XRN1: variants seen among roughly 807,000 people sequenced by gnomAD.
XRN1 encodes strand-exchange protein 1 homolog.
XRN1 carries 67 observed loss-of-function variants against 222.3 expected under a neutral mutation model. That is an observed-to-expected ratio of 0.30 (90% CI 0.25 to 0.37). XRN1 has a LOEUF of 0.37. Ranked by LOEUF, XRN1 falls within the 10% of genes least tolerant of loss-of-function variation. The pLI, the probability that XRN1 is intolerant of heterozygous loss-of-function variation, is 1.00. For missense variants in XRN1, 1,707 were observed against 2,000.2 expected, an observed-to-expected ratio of 0.85 and a Z score of 2.80; for synonymous variants, 643 against 652.4, an observed-to-expected ratio of 0.99 and a Z score of 0.22.
chr3:142,425,954 C>T, intron 3 of XRN1, among the ~76,000 whole-genome samples: 1 of 151,370 alleles, frequency 6.6e-6, no homozygotes, highest in East Asian at 1.9e-4. Context: ...AATAATATTA[C>T]TACTGAAATT....
intron 30 of XRN1, among the ~76,000 whole-genome samples, chr3:142,357,752 C>T (rs888246222): frequency 4.0e-5 from 6 of 150,124 alleles, no homozygotes; most frequent in Non-Finnish European, 7.4e-5. Context: ...AACTGTGGAG[C>T]GGGCATGGTG....
chr3:142,353,028 TTGTC>T (rs1483233580), intron 32 of XRN1, among the ~76,000 whole-genome samples: 1 of 152,204 alleles, frequency 6.6e-6, no homozygotes, highest in Non-Finnish European at 1.5e-5. Flanking sequence ...CTTCCTTTCT[TTGTC>T]TGAGTCTCTA....
intron 20 of XRN1, among the ~76,000 whole-genome samples, chr3:142,391,232 A>G (rs890165747): frequency 6.6e-6 from 1 of 152,226 alleles, no homozygotes; most frequent in South Asian, 2.1e-4. Flanking sequence ...TTGTAAAAAA[A>G]AATGCAACTA....
At chr3:142,363,227 A>G (rs1195835470) in intron 29 of XRN1, among the ~76,000 whole-genome samples, 1 of 152,010 alleles carries the variant, frequency 6.6e-6, no homozygotes, top group Non-Finnish European at 1.5e-5. Context: ...GATGTAAGGT[A>G]AGGAGTTGTG....
chr3:142,319,952 ACATT>A (rs901953645), intron 37 of XRN1, among the ~76,000 whole-genome samples: 5 of 152,106 alleles, frequency 3.3e-5, no homozygotes, highest in African/African-American at 1.2e-4. Flanking sequence ...ATACCCACAC[ACATT>A]TTCTTTATCC....
intron 21 of XRN1, 143 bp from the exon 22 acceptor site, chr3:142,383,556 T>C (rs1372444061): frequency 2.9e-6 from 2 of 688,380 alleles, no homozygotes; most frequent in Non-Finnish European, 4.9e-6. Context: ...TAAAATTTGT[T>C]GACTGGTTAT....
rs758133722 is a variant in XRN1 at position 142,365,126 on chromosome 3, A to G, written c.3315T>C (p.Leu1105=). 1.9e-6 allele frequency: 3 copies of G among 1,613,532 alleles called. No homozygotes were observed. Among genetic ancestry groups the G allele is most frequent in the Admixed American group, 1.7e-5 (1 of 59,988 alleles). The part of the protein sequence containing the change: ...VIPDRDAEFC[L]FDRVVNVREN... ...CTCTCACATTTACAACACGGTCAAA[A>G]AGACAAAATTCTGCATCCCGATCAG... The change falls in exon 29 of 41, where the codon CTT becomes CTC. Residue 1105 remains leucine (L), a synonymous_variant. Coordinates refer to ENST00000392981, the MANE Select transcript of XRN1 (RefSeq NM_001282857.2).
chr3:142,423,474 A>G lies in XRN1; in HGVS notation c.710+86T>C, dbSNP rs1230315224. The G allele has an allele frequency of 6.4e-6, 7 of 1,097,798 alleles. No homozygotes were observed. In the African/African-American group the frequency reaches 6.5e-5, roughly 10 times the overall value. 68.0% of individuals were successfully genotyped at this position (1,097,798 alleles called of 1,614,324 possible). Reference sequence around the variant, plus strand: ...GTGAAAAGGCAACCTACGGAATGAGATAAAGTATTTACAAACATGTATCTG... The same window carrying G: ...GTGAAAAGGCAACCTACGGAATGAGGTAAAGTATTTACAAACATGTATCTG... On this transcript the variant is annotated intron_variant, in intron 6 of 40. Coordinates refer to ENST00000392981, the MANE Select transcript of XRN1 (RefSeq NM_001282857.2).
rs551029940 is a variant in XRN1, at chr3:142,412,872, T to C, written c.1594-209A>G. On this transcript the variant is annotated intron_variant, in intron 14 of 40. Transcript: ENST00000392981. ...TGATTTCACTACTACTCATCATTTA[T>C]ACATTTTACTGACTTAGTTATGCAG... is the stretch of plus-strand genomic sequence containing the variant. 2.6e-5 allele frequency among the ~76,000 whole-genome samples: 4 copies of C among 152,330 alleles called. No homozygotes were observed. In the South Asian group the frequency reaches 8.3e-4, roughly 32 times the overall value.
chr3:142,400,532 C>T lies in XRN1; in HGVS notation c.2119G>A (p.Ala707Thr). 6.2e-7 allele frequency: 1 copy of T among 1,610,902 alleles called. No individual in the cohort carries two copies. Among genetic ancestry groups the T allele is most frequent in the Non-Finnish European group, 8.5e-7 (1 of 1,178,278 alleles). ...ACAGATTTTCCAAGCACTGATGAAG[C>T]TACATTTTCTACGGTCTTAAAGTAA... ...ESDELTVENV[A>T]SSVLGKSVFV... Residue 707 changes from alanine to threonine, a missense_variant, in exon 19 of 41, where the codon GCT becomes ACT. Physicochemically the swap from Ala to Thr is moderately conservative, Grantham distance 58. This residue lies in a region of XRN1 where 1,234 missense variants were observed against 1,518.2 expected (regional missense o/e 0.81). Transcript: ENST00000392981.
chr3:142,362,526 G>A (rs1014867919), intron 29 of XRN1, among the ~76,000 whole-genome samples: 43 of 152,030 alleles, frequency 2.8e-4, no homozygotes, highest in African/African-American at 1.0e-3. Context: ...ACCCGCCTTG[G>A]CCTCCCAAAG....
chr3:142,386,687 C>T (rs574858523), intron 20 of XRN1, among the ~76,000 whole-genome samples: 51 of 152,180 alleles, frequency 3.4e-4, no homozygotes, highest in Non-Finnish European at 6.8e-4. Flanking sequence ...CAGACTTGAA[C>T]AGGCATTTCA....
At chr3:142,370,964 G>A (rs373388346) in intron 26 of XRN1, among the ~76,000 whole-genome samples, 24 of 151,840 alleles carry the variant, frequency 1.6e-4, no homozygotes, top group African/African-American at 5.3e-4. Flanking sequence ...CATGGCCTGA[G>A]CCTAGGAGTC....
In XRN1 at chr3:142,311,546, C is replaced by T; in HGVS notation, c.5050G>A (p.Ala1684Thr). The T allele has an allele frequency of 6.2e-7, 1 of 1,608,808 alleles. No homozygotes were observed. Among genetic ancestry groups the T allele is most frequent in the Non-Finnish European group, 8.5e-7 (1 of 1,176,574 alleles). Residue 1684 changes from alanine (A) to threonine (T), a missense_variant, in exon 41 of 41, where the codon GCT (alanine) becomes ACT (threonine). Physicochemically the swap from Ala to Thr is moderately conservative, Grantham distance 58. This residue lies in a region of XRN1 where 473 missense variants were observed against 482.0 expected (regional missense o/e 0.98). Coordinates refer to ENST00000392981, the MANE Select transcript of XRN1 (RefSeq NM_001282857.2). Reference sequence around the variant, plus strand: ...GGTTTAGAAACACCAAAATTAACAGCCAGTTTTCTTGATTTTCTTCTTGAA... The same window carrying T: ...GGTTTAGAAACACCAAAATTAACAGTCAGTTTTCTTGATTTTCTTCTTGAA... Reference protein sequence around the residue: ...SSSRRKSRKLAVNFGVSKPSE With the variant: ...SSSRRKSRKLTVNFGVSKPSE
intron 21 of XRN1, 140 bp from the exon 22 acceptor site, chr3:142,383,553 T>G: frequency 1.4e-6 from 1 of 696,926 alleles, no homozygotes. Context: ...AGCTAAAATT[T>G]GTTGACTGGT....
chr3:142,446,715 T>C (rs2070519082), intron 1 of XRN1, among the ~76,000 whole-genome samples: 1 of 152,210 alleles, frequency 6.6e-6, no homozygotes, highest in African/African-American at 2.4e-5. Context: ...TGTACTGGTT[T>C]CCTTTTTAGC....
At position 142,423,623 on chromosome 3, in the gene XRN1, C is replaced by G; in HGVS notation, c.647G>C (p.Ser216Thr). 1.3e-6 allele frequency: 2 copies of G among 1,593,122 alleles called. No homozygotes were observed. The highest frequency in any genetic ancestry group is 3.3e-4 in the Middle Eastern group (2 of 5,976). Residue 216 changes from serine to threonine, a missense_variant, in exon 6 of 41, where the codon AGT becomes ACT. Physicochemically the swap from Ser to Thr is moderately conservative, Grantham distance 58. Coordinates refer to ENST00000392981, the MANE Select transcript of XRN1 (RefSeq NM_001282857.2). ...TAAGAGAGAAAAATGTGCCTCATGACTTGTTAATCCAAGCATAATCTGTTG... is the reference window on the plus strand; with the variant it reads ...TAAGAGAGAAAAATGTGCCTCATGAGTTGTTAATCCAAGCATAATCTGTTG... ...DADLIMLGLT[S>T]HEAHFSLLRE... is the part of the protein sequence containing the mutation.
chr3:142,433,325 A>G (rs989564402), intron 1 of XRN1, among the ~76,000 whole-genome samples: 6 of 152,204 alleles, frequency 3.9e-5, no homozygotes, highest in African/African-American at 1.2e-4. Flanking sequence ...AACATTTAAC[A>G]TATGATGTAA....
In XRN1 at chr3:142,384,614, C is replaced by T. The variant is rs184631609; in HGVS notation, c.2411G>A (p.Arg804His). ...ACCATTTTGATTTATTTGATATTTA[C>T]GACCTGTGAGTAACTGAGCATACAC... ...AVVYAQLLTG[R>H]KYQINQNGEV... Residue 804 changes from arginine (R) to histidine (H), a missense_variant, in exon 21 of 41, where the codon CGT becomes CAT. Coordinates refer to ENST00000392981, the MANE Select transcript of XRN1 (RefSeq NM_001282857.2). 2.8e-4 allele frequency: 450 copies of T among 1,612,600 alleles called. 4 individuals carry two copies. In the East Asian group the frequency reaches 8.7e-3, roughly 31 times the overall value.
Sources: gnomAD v4.1 joint callset for allele counts (sites outside exome capture counted in the v4.1 genomes callset) on GRCh38, gnomAD v4.1.1 for gene constraint, gnomAD v4.1.1 regional missense constraint, MANE v1.5 for transcripts, NCBI Gene and HGNC (gene_info 2026-07-23, HGNC 2026-07-21) for gene names.